MYO1E: variants seen among roughly 807,000 people sequenced by gnomAD.
MYO1E encodes the protein unconventional myosin-Ie.
In MYO1E, 68 loss-of-function variants were observed where a neutral mutation model predicts 151.1. The observed-to-expected ratio is 0.45, with a 90% CI of 0.37 to 0.55. The LOEUF (loss-of-function observed/expected upper bound fraction) is 0.55, where lower values mean the gene tolerates loss of function less well. Ranked by LOEUF, MYO1E falls within the 20% of genes least tolerant of loss-of-function variation. The pLI is 0.00. For missense variants in MYO1E, 1,363 were observed against 1,389.3 expected (o/e 0.98, Z 0.30); for synonymous variants, 601 against 501.7 (o/e 1.20, Z -2.64).
Position 59,303,875 on chromosome 15 carries a change from C to T in MYO1E, c.4-31426G>A, listed in dbSNP as rs928150955. ...ACAACAACAGCAGGAATATAATGGC[C>T]CGTTTCCTGGATATATGGCCTTTCA... On this transcript the variant is annotated intron_variant, in intron 1 of 27. Transcript: ENST00000288235. Among the ~76,000 whole-genome samples the T allele has an allele frequency of 3.9e-5, 6 of 152,222 alleles. No individual in the cohort carries two copies. The East Asian group carries it at 1.2e-3, about 29-fold the overall frequency.
chr15:59,362,595 G>A (rs2080891719), intron 1 of MYO1E, among the ~76,000 whole-genome samples: 1 of 152,186 alleles, frequency 6.6e-6, no homozygotes, highest in Non-Finnish European at 1.5e-5. Flanking sequence ...AAGCCTTGAA[G>A]GAAGCTATCT....
intron 26 of MYO1E, among the ~76,000 whole-genome samples, chr15:59,140,752 A>G (rs1383575324): frequency 6.6e-6 from 1 of 151,554 alleles, no homozygotes; most frequent in Non-Finnish European, 1.5e-5. Context: ...GGCTGGGGGG[A>G]ACACTGACTG....
At chr15:59,203,287 G>A (rs1304443902) in intron 15 of MYO1E, among the ~76,000 whole-genome samples, 2 of 152,104 alleles carry the variant, frequency 1.3e-5, no homozygotes, top group Non-Finnish European at 2.9e-5. Flanking sequence ...ACTGTTCCCA[G>A]CTCTACACAG....
intron 1 of MYO1E, among the ~76,000 whole-genome samples, chr15:59,342,597 T>C (rs1286130290): frequency 2.0e-5 from 3 of 152,200 alleles, no homozygotes; most frequent in African/African-American, 7.2e-5. Flanking sequence ...TTGCAGAGTT[T>C]AGTCTATTTA....
intron 26 of MYO1E, among the ~76,000 whole-genome samples, chr15:59,151,941 G>A (rs1050457250): frequency 1.9e-4 from 29 of 152,054 alleles, no homozygotes; most frequent in African/African-American, 4.8e-4. Context: ...GGTGGCAGGC[G>A]CCTGTAGTCC....
At chr15:59,245,441 A>G (rs1160253403) in intron 4 of MYO1E, among the ~76,000 whole-genome samples, 3 of 152,200 alleles carry the variant, frequency 2.0e-5, no homozygotes, top group Admixed American at 2.0e-4. Context: ...TTACTCAATC[A>G]GTCAGCAAAT....
chr15:59,223,540 G>T (rs1184146764), intron 8 of MYO1E, among the ~76,000 whole-genome samples: 1 of 152,186 alleles, frequency 6.6e-6, no homozygotes, highest in Non-Finnish European at 1.5e-5. Flanking sequence ...CGGAAGAGTG[G>T]TAGTTGTACA....
chr15:59,261,557 A>G lies in MYO1E; in HGVS notation c.148-48T>C, dbSNP rs768189716. The G allele has an allele frequency of 1.9e-5, 24 of 1,235,486 alleles. No homozygotes were observed. In the East Asian group the frequency reaches 5.6e-4, roughly 29 times the overall value. The allele number at this position is 1,235,486 out of a possible 1,614,324, so 76.5% of individuals were successfully genotyped here. ...CCATCATTAATATTCATAGCTACAC[A>G]TTTTTCAAATTAAGTAACCAGATGT... On this transcript the variant is annotated intron_variant, in intron 2 of 27. Coordinates refer to ENST00000288235, the MANE Select transcript of MYO1E (RefSeq NM_004998.4).
At chr15:59,289,810 TG>T (rs2080408459) in intron 1 of MYO1E, among the ~76,000 whole-genome samples, 1 of 152,184 alleles carries the variant, frequency 6.6e-6, no homozygotes, top group Non-Finnish European at 1.5e-5. Context: ...ATGTCTGATG[TG>T]ATTATGGACA....
intron 1 of MYO1E, among the ~76,000 whole-genome samples, chr15:59,277,751 G>C (rs1221557220): frequency 6.6e-6 from 1 of 152,162 alleles, no homozygotes; most frequent in African/African-American, 2.4e-5. Context: ...GGAGTACTTT[G>C]CAGTCATTAA....
chr15:59,283,041 T>C (rs2080366814), intron 1 of MYO1E, among the ~76,000 whole-genome samples: 1 of 144,122 alleles, frequency 6.9e-6, no homozygotes, highest in African/African-American at 2.6e-5. Context: ...GCTCAGGGCA[T>C]CCATCCTCCA....
chr15:59,277,205 A>C (rs2080324285), intron 1 of MYO1E, among the ~76,000 whole-genome samples: 1 of 152,164 alleles, frequency 6.6e-6, no homozygotes, highest in Non-Finnish European at 1.5e-5. Context: ...ATCGGTATTG[A>C]AATTTTAGAC....
intron 1 of MYO1E, among the ~76,000 whole-genome samples, chr15:59,324,466 T>C (rs1388915352): frequency 6.6e-6 from 1 of 152,110 alleles, no homozygotes; most frequent in African/African-American, 2.4e-5. Flanking sequence ...TCAGGCTGTC[T>C]TTGGAGTTGG....
chr15:59,233,890 CAAA>C (rs11445698), intron 5 of MYO1E, among the ~76,000 whole-genome samples: 1 of 147,558 alleles, frequency 6.8e-6, no homozygotes, highest in Non-Finnish European at 1.5e-5. Flanking sequence ...GACTTAGTAC[CAAA>C]AAAAAAAAAT....
intron 3 of MYO1E, among the ~76,000 whole-genome samples, chr15:59,259,918 G>C (rs2140373006): frequency 6.6e-6 from 1 of 152,198 alleles, no homozygotes; most frequent in Middle Eastern, 3.4e-3. Flanking sequence ...ATCTCTCTGA[G>C]CCTCAGTTTC....
At chr15:59,215,284 G>GT (rs2079906327) in intron 10 of MYO1E, among the ~76,000 whole-genome samples, 1 of 152,140 alleles carries the variant, frequency 6.6e-6, no homozygotes, top group African/African-American at 2.4e-5. Context: ...ATTCACCTTT[G>GT]CCAGGGTTTG....
At chr15:59,256,524 C>T in intron 3 of MYO1E, 146 bp from the exon 4 acceptor site, 1 of 426,108 alleles carries the variant, frequency 2.3e-6, no homozygotes, top group East Asian at 4.2e-5. Flanking sequence ...CCTATCATTA[C>T]ATCTTAAAGG....
chr15:59,302,172 A>G (rs2080486948), intron 1 of MYO1E, among the ~76,000 whole-genome samples: 1 of 152,168 alleles, frequency 6.6e-6, no homozygotes, highest in South Asian at 2.1e-4. Context: ...AAAAGAGTAC[A>G]CCTTGAGGCT....
chr15:59,239,465 G>C (rs1281037310), intron 4 of MYO1E, among the ~76,000 whole-genome samples: 1 of 150,944 alleles, frequency 6.6e-6, no homozygotes, highest in African/African-American at 2.4e-5. Context: ...AACCCTATAA[G>C]AATTATAAAA....
Sources: allele counts gnomAD v4.1 joint callset (sites outside exome capture counted in the v4.1 genomes callset), GRCh38; gene constraint gnomAD v4.1.1; transcripts MANE v1.5; gene names NCBI Gene and HGNC (gene_info 2026-07-23, HGNC 2026-07-21).